The following SDK2 variants were observed in gnomAD, a reference collection of about 807,000 sequenced individuals.
SDK2 encodes the protein protein sidekick-2.
A neutral mutation model predicts 253.9 loss-of-function variants in SDK2; 105 were observed. The ratio of observed to expected loss-of-function variants is 0.41; its 90% CI spans 0.35 to 0.49. The LOEUF is 0.49. SDK2 is among the 20% of genes least tolerant of loss of function. The pLI is 0.06. For missense variants in SDK2, 2,608 were observed against 3,003.0 expected (o/e 0.87, Z 3.07); for synonymous variants, 1,249 against 1,234.9 (o/e 1.01, Z -0.24).
chr17:73,556,557 A>G (rs1002576678), intron 1 of SDK2, among the ~76,000 whole-genome samples: 1 of 152,234 alleles, frequency 6.6e-6, no homozygotes, highest in Non-Finnish European at 1.5e-5. Context: ...TTTGACCTGC[A>G]CATGATTCTT....
intron 21 of SDK2, 85 bp from the exon 22 acceptor site, chr17:73,399,374 T>G (rs2063002431): frequency 7.1e-7 from 1 of 1,400,614 alleles, no homozygotes; most frequent in African/African-American, 1.4e-5. Context: ...TGGAGGGGGC[T>G]GTGTGTCACG....
At chr17:73,411,989 T>G (rs2063131877) in intron 18 of SDK2, among the ~76,000 whole-genome samples, 1 of 141,102 alleles carries the variant, frequency 7.1e-6, no homozygotes, top group African/African-American at 2.6e-5. Flanking sequence ...TATCTACGTA[T>G]ATATATACAC....
At chr17:73,406,547 G>A (rs1035371565) in intron 18 of SDK2, among the ~76,000 whole-genome samples, 1 of 152,004 alleles carries the variant, frequency 6.6e-6, no homozygotes, top group Admixed American at 6.6e-5. Flanking sequence ...ACCGCGCCTG[G>A]CCTGTACTTG....
At chr17:73,346,694 C>T (rs146887028) in intron 44 of SDK2, among the ~76,000 whole-genome samples, 49 of 152,272 alleles carry the variant, frequency 3.2e-4, no homozygotes, top group African/African-American at 1.2e-3. Flanking sequence ...TGCCATATCA[C>T]AGGAAAACGA....
intron 1 of SDK2, among the ~76,000 whole-genome samples, chr17:73,559,227 C>T (rs188367249): frequency 1.3e-5 from 2 of 152,220 alleles, no homozygotes; most frequent in African/African-American, 4.8e-5. Flanking sequence ...GCATGCCTGC[C>T]GAGTTCACAC....
chr17:73,457,979 T>A (rs768772494), intron 3 of SDK2, among the ~76,000 whole-genome samples: 15 of 152,166 alleles, frequency 9.9e-5, no homozygotes, highest in Non-Finnish European at 2.1e-4. Context: ...TCAGTATTTG[T>A]TTATTATTAT....
chr17:73,342,527 CG>C (rs2062447954), intron 44 of SDK2, among the ~76,000 whole-genome samples: 1 of 152,158 alleles, frequency 6.6e-6, no homozygotes, highest in Non-Finnish European at 1.5e-5. Flanking sequence ...TCTGTGAATG[CG>C]GGGGACCAGA....
At chr17:73,433,870 C>T in intron 9 of SDK2, 22 bp from the exon 10 acceptor site, 1 of 1,459,872 alleles carries the variant, frequency 6.8e-7, no homozygotes. Context: ...GAAGTGGGGC[C>T]TTTTAGCCAC....
At chr17:73,368,713 G>T (rs530042232) in intron 36 of SDK2, 120 bp from the exon 37 acceptor site, 23 of 918,260 alleles carry the variant, frequency 2.5e-5, no homozygotes, top group Middle Eastern at 3.5e-4. Context: ...GGAAACAGCG[G>T]AGAAGTCTTT....
intron 24 of SDK2, among the ~76,000 whole-genome samples, chr17:73,396,970 G>A (rs554657781): frequency 1.6e-4 from 25 of 152,348 alleles, no homozygotes; most frequent in Non-Finnish European, 2.6e-4. Context: ...GACTGACGGC[G>A]CCAAGCGCTT....
At chr17:73,490,483 T>C (rs1222318148) in intron 2 of SDK2, among the ~76,000 whole-genome samples, 1 of 150,924 alleles carries the variant, frequency 6.6e-6, no homozygotes, top group Non-Finnish European at 1.5e-5. Flanking sequence ...ATCTATAAAA[T>C]AGGAGTTGTA....
At position 73,346,130 on chromosome 17, in the gene SDK2, C is replaced by T. The variant is rs367951345; in HGVS notation, c.6165+2469G>A. Among the ~76,000 whole-genome samples the T allele has an allele frequency of 2.7e-3, 408 of 151,284 alleles. 1 individual carries two copies. The highest frequency in any genetic ancestry group is 3.8e-3 in the Non-Finnish European group (256 of 67,886). The stretch of plus-strand genomic sequence containing the variant: ...CTGAGGCAGGAGAATTGTTTGAACC[C>T]GGGAGGTGGAGGTTGCAGTGAGCTG... On this transcript the variant is annotated intron_variant, in intron 44 of 44. Coordinates refer to ENST00000392650, the MANE Select transcript of SDK2 (RefSeq NM_001144952.2).
chr17:73,514,619 A>ATC (rs1567816810), intron 1 of SDK2, among the ~76,000 whole-genome samples: 1 of 152,182 alleles, frequency 6.6e-6, no homozygotes, highest in Non-Finnish European at 1.5e-5. Context: ...AATGATGTCC[A>ATC]TCTGCCCTCC....
In SDK2 at chr17:73,352,535, C is replaced by A; in HGVS notation, c.5696G>T (p.Arg1899Leu). 6.2e-7 allele frequency: 1 copy of A among 1,614,008 alleles called. No homozygotes were observed. Among genetic ancestry groups the A allele is most frequent in the Non-Finnish European group, 8.5e-7 (1 of 1,179,882 alleles). Residue 1899 changes from arginine (R) to leucine (L), a missense_variant, in exon 41 of 45, where the codon CGG (arginine) becomes CTG (leucine). Transcript: ENST00000392650. The surrounding 1 kb of genome is among the most constrained non-coding windows in gnomAD (Gnocchi z 4.1). ...ILKPGVSYDF[R>L]VIAVNDYGFG... Reference sequence around the variant, plus strand: ...ACCATAGTCGTTGACCGCGATGACCCGGAAGTCATAGCTCACGCCCGGCTT... The same window carrying A: ...ACCATAGTCGTTGACCGCGATGACCAGGAAGTCATAGCTCACGCCCGGCTT...
chr17:73,360,810 C>T (rs2062633414), intron 39 of SDK2, among the ~76,000 whole-genome samples: 1 of 151,984 alleles, frequency 6.6e-6, no homozygotes, highest in African/African-American at 2.4e-5. Context: ...GTAGAAATCA[C>T]CTGTAATCCC....
At chr17:73,449,925 AAAAAC>A (rs1443711740) in intron 4 of SDK2, among the ~76,000 whole-genome samples, 1 of 152,172 alleles carries the variant, frequency 6.6e-6, no homozygotes, top group Non-Finnish European at 1.5e-5. Flanking sequence ...TCCATCTCAA[AAAAAC>A]AAAACAAACA....
intron 36 of SDK2, among the ~76,000 whole-genome samples, chr17:73,373,820 AGAGAC>A (rs763276789): frequency 2.6e-5 from 4 of 151,994 alleles, no homozygotes; most frequent in South Asian, 2.1e-4. Context: ...TATTTTTAGT[AGAGAC>A]GGGGTTTCAC....
chr17:73,542,723 C>A (rs1202869828), intron 1 of SDK2, among the ~76,000 whole-genome samples: 1 of 152,180 alleles, frequency 6.6e-6, no homozygotes, highest in East Asian at 1.9e-4. Flanking sequence ...CTAGCAGGGC[C>A]AGGCTGGGAA....
intron 1 of SDK2, among the ~76,000 whole-genome samples, chr17:73,537,190 C>T (rs1827633849): frequency 6.6e-6 from 1 of 152,206 alleles, no homozygotes; most frequent in South Asian, 2.1e-4. Flanking sequence ...CCTTTCTATG[C>T]AAAGAGACGA....
Sources: allele counts gnomAD v4.1 joint callset (sites outside exome capture counted in the v4.1 genomes callset), GRCh38; gene constraint gnomAD v4.1.1; non-coding constraint Gnocchi (gnomAD v3.1); transcripts MANE v1.5; gene names NCBI Gene and HGNC (gene_info 2026-07-23, HGNC 2026-07-21).